LMBRD1: variants seen among roughly 807,000 people sequenced by gnomAD.
LMBRD1 encodes the protein LMBR1 domain containing 1, also known as lysosomal cobalamin transport escort protein LMBD1.
In LMBRD1, 64 loss-of-function variants were observed where a neutral mutation model predicts 74.8. That is an observed-to-expected ratio of 0.86 (90% CI 0.70 to 1.05). LMBRD1 has a LOEUF of 1.05. Among genes scored for constraint, LMBRD1 ranks in the 50% least tolerant of loss-of-function variants. The probability of loss-of-function intolerance (pLI) is 0.00; values close to 1 mark genes in which losing one functional copy is unlikely to be tolerated. For missense variants in LMBRD1, 652 were observed against 645.9 expected (o/e 1.01, Z -0.10); for synonymous variants, 204 against 216.3 (o/e 0.94, Z 0.50).
At chr6:69,686,070 G>A (rs972371800) in intron 14 of LMBRD1, among the ~76,000 whole-genome samples, 7 of 152,068 alleles carry the variant, frequency 4.6e-5, no homozygotes, top group Admixed American at 6.6e-5. Context: ...GAGAAGAAGC[G>A]AATAACTACT....
intron 3 of LMBRD1, among the ~76,000 whole-genome samples, chr6:69,771,213 T>C (rs915011010): frequency 1.3e-5 from 2 of 152,198 alleles, no homozygotes; most frequent in Non-Finnish European, 2.9e-5. Flanking sequence ...TGTTAGCCAA[T>C]GCAGCAGTTA....
At chr6:69,694,951 G>A (rs2445963) in intron 14 of LMBRD1, among the ~76,000 whole-genome samples, 17,687 of 152,066 alleles carry the variant, frequency 0.12, 1,396 homozygotes, top group Middle Eastern at 0.2. Context: ...TTAATTCTCA[G>A]TATATGTCCT....
chr6:69,775,476 G>C (rs2149890371), intron 3 of LMBRD1, among the ~76,000 whole-genome samples: 1 of 152,278 alleles, frequency 6.6e-6, no homozygotes, highest in South Asian at 2.1e-4. Flanking sequence ...GATATTATGT[G>C]CCTTTCCACT....
intron 7 of LMBRD1, 111 bp from the exon 8 acceptor site, chr6:69,719,192 G>T: frequency 1.1e-6 from 1 of 947,916 alleles, no homozygotes; most frequent in Non-Finnish European, 1.6e-6. Flanking sequence ...TTGTGAAAGA[G>T]TACAGTCACT....
At chr6:69,757,925 TC>T (rs1765300185) in intron 3 of LMBRD1, among the ~76,000 whole-genome samples, 1 of 152,182 alleles carries the variant, frequency 6.6e-6, no homozygotes, top group Admixed American at 6.5e-5. Flanking sequence ...TTTTTAAGCC[TC>T]ATGTCCATAG....
At chr6:69,686,112 A>C (rs148353764) in intron 14 of LMBRD1, among the ~76,000 whole-genome samples, 8 of 152,338 alleles carry the variant, frequency 5.3e-5, no homozygotes, top group Non-Finnish European at 8.8e-5. Flanking sequence ...GAAATACTTA[A>C]GTCAGTATAG....
At position 69,676,101 on chromosome 6, in the gene LMBRD1, T is replaced by C. The variant is rs1765537301; in HGVS notation, c.*57A>G. ...AAATCCTAATGTTAGTTTAATACTT[T>C]AAAAATGCATAACAGATATTCAGTC... is the stretch of plus-strand genomic sequence containing the variant. On this transcript the variant is annotated 3_prime_UTR_variant, in exon 16 of 16. Transcript: ENST00000649934. 2 of 1,404,938 alleles carry C rather than the reference T, an allele frequency of 1.4e-6. No homozygotes were observed. Among genetic ancestry groups the C allele is most frequent in the Non-Finnish European group, 2.0e-6 (2 of 993,086 alleles). 87.0% of individuals were successfully genotyped at this position (1,404,938 alleles called of 1,614,324 possible). A position where few individuals can be genotyped will look rare whatever the true frequency, so the allele number is the denominator to read the frequency against.
At chr6:69,689,008 A>T (rs2125022) in intron 14 of LMBRD1, among the ~76,000 whole-genome samples, 51,449 of 151,820 alleles carry the variant, frequency 0.34, 9,778 homozygotes, top group East Asian at 0.54. Flanking sequence ...TGGGATTTGG[A>T]TACTAGTTAC....
chr6:69,764,506 T>C (rs1765439572), intron 3 of LMBRD1, among the ~76,000 whole-genome samples: 1 of 152,210 alleles, frequency 6.6e-6, no homozygotes, highest in African/African-American at 2.4e-5. Context: ...CAGCCTTAAC[T>C]AATAAGACAG....
In LMBRD1 at chr6:69,708,690, CT is replaced by C. The variant is rs1582072036; in HGVS notation, c.915+4954del. Among the ~76,000 whole-genome samples the C allele has an allele frequency of 2.0e-5, 3 of 151,282 alleles. No individual in the cohort carries two copies. The South Asian group carries it at 6.3e-4, about 32-fold the overall frequency. ...CCTCTACTAATTTTAAAAATTGTAA[CT>C]TTTTTTACATTTGCAAAAATTTAAA... On this transcript the variant is annotated intron_variant, in intron 9 of 15. Transcript: ENST00000649934.
At chr6:69,705,877 G>A (rs1766243342) in intron 9 of LMBRD1, 5 of 1,344,436 alleles carry the variant, frequency 3.7e-6, no homozygotes, top group East Asian at 4.6e-5. Context: ...CACTGGTGGT[G>A]TTATTTCAAA....
At chr6:69,749,850 A>G (rs902221501) in intron 4 of LMBRD1, among the ~76,000 whole-genome samples, 1 of 147,724 alleles carries the variant, frequency 6.8e-6, no homozygotes, top group Non-Finnish European at 1.5e-5. Context: ...GTATATATAC[A>G]TACTCATATA....
intron 14 of LMBRD1, among the ~76,000 whole-genome samples, chr6:69,694,111 T>C (rs1765945512): frequency 6.6e-6 from 1 of 152,058 alleles, no homozygotes; most frequent in Admixed American, 6.6e-5. Context: ...CATAAAAAAG[T>C]TACAGTCAAG....
intron 7 of LMBRD1, among the ~76,000 whole-genome samples, chr6:69,732,151 GC>G (rs1370481141): frequency 6.6e-6 from 1 of 152,136 alleles, no homozygotes; most frequent in Non-Finnish European, 1.5e-5. Context: ...GAGAACCACT[GC>G]TGTGATTCAT....
At chr6:69,732,067 A>G (rs1429509271) in intron 7 of LMBRD1, among the ~76,000 whole-genome samples, 2 of 152,152 alleles carry the variant, frequency 1.3e-5, no homozygotes, top group Non-Finnish European at 2.9e-5. Context: ...GGTAGCATAT[A>G]TTCAGTGAAA....
intron 14 of LMBRD1, among the ~76,000 whole-genome samples, chr6:69,682,976 A>G (rs2149835442): frequency 6.6e-6 from 1 of 152,172 alleles, no homozygotes; most frequent in African/African-American, 2.4e-5. Flanking sequence ...ATCTGTGAGT[A>G]GCTGAGAAGT....
intron 6 of LMBRD1, among the ~76,000 whole-genome samples, chr6:69,741,530 C>A (rs569891349): frequency 1.3e-5 from 2 of 152,210 alleles, no homozygotes; most frequent in East Asian, 3.9e-4. Context: ...GGATTACAGG[C>A]GCCTGCCACT....
chr6:69,748,870 A>G (rs928067915), intron 5 of LMBRD1, among the ~76,000 whole-genome samples: 3 of 152,124 alleles, frequency 2.0e-5, no homozygotes, highest in Middle Eastern at 3.2e-3. Context: ...AGATGCACAG[A>G]CAAGAATTTT....
intron 3 of LMBRD1, among the ~76,000 whole-genome samples, chr6:69,752,644 G>A (rs889887451): frequency 6.6e-6 from 1 of 152,146 alleles, no homozygotes; most frequent in Non-Finnish European, 1.5e-5. Flanking sequence ...GCTGACATAT[G>A]AGCTCTTACT....
Sources: gnomAD v4.1 joint callset for allele counts (sites outside exome capture counted in the v4.1 genomes callset) on GRCh38, gnomAD v4.1.1 for gene constraint, MANE v1.5 for transcripts, NCBI Gene and HGNC (gene_info 2026-07-23, HGNC 2026-07-21) for gene names.